The following TRPM3 variants were observed in gnomAD, a reference collection of about 807,000 sequenced individuals.
TRPM3 encodes long transient receptor potential channel 3.
In TRPM3, 77 loss-of-function variants were observed where a neutral mutation model predicts 181.2. The ratio of observed to expected loss-of-function variants is 0.42; its 90% CI spans 0.35 to 0.51. TRPM3 has a LOEUF of 0.51. TRPM3 is among the 20% of genes least tolerant of loss of function. The pLI is 0.01. For missense variants in TRPM3, 1,759 were observed against 2,196.7 expected (o/e 0.80, Z 3.98); for synonymous variants, 745 against 796.4 (o/e 0.94, Z 1.09).
intron 9 of TRPM3, among the ~76,000 whole-genome samples, chr9:70,657,167 A>G (rs1019475205): frequency 2.0e-5 from 3 of 148,938 alleles, no homozygotes; most frequent in Non-Finnish European, 1.5e-5. Context: ...AAGGGAAATT[A>G]TAATGGTCTT....
intron 1 of TRPM3, among the ~76,000 whole-genome samples, chr9:71,161,007 C>T (rs540005222): frequency 5.8e-4 from 89 of 152,258 alleles, no homozygotes; most frequent in African/African-American, 2.0e-3. Flanking sequence ...TTCCTCCTTG[C>T]TGTCGTTTCA....
chr9:71,147,424 G>C (rs12376713), intron 1 of TRPM3, among the ~76,000 whole-genome samples: 172 of 145,040 alleles, frequency 1.2e-3, no homozygotes, highest in Non-Finnish European at 1.9e-3. Context: ...GCAACACACA[G>C]ACACACACAC....
intron 1 of TRPM3, among the ~76,000 whole-genome samples, chr9:70,915,634 T>C (rs2096586845): frequency 2.0e-5 from 3 of 150,962 alleles, no homozygotes. Flanking sequence ...GCAGACTTGA[T>C]CAAGTAGAAG....
intron 1 of TRPM3, among the ~76,000 whole-genome samples, chr9:71,189,792 A>G (rs1349981048): frequency 6.6e-6 from 1 of 151,828 alleles, no homozygotes; most frequent in Non-Finnish European, 1.5e-5. Flanking sequence ...CTCTTGCTGT[A>G]TATATCTTAT....
chr9:71,285,677 C>T (rs2085222490), intron 1 of TRPM3, among the ~76,000 whole-genome samples: 1 of 152,194 alleles, frequency 6.6e-6, no homozygotes. Flanking sequence ...AGTGCTCAGA[C>T]ATCATACAAG....
chr9:71,194,098 A>T (rs2078194789), intron 1 of TRPM3, among the ~76,000 whole-genome samples: 1 of 151,960 alleles, frequency 6.6e-6, no homozygotes, highest in Non-Finnish European at 1.5e-5. Context: ...ATTTGTCACC[A>T]TAATGGGTAG....
At chr9:70,563,805 C>T (rs896927532) in intron 22 of TRPM3, among the ~76,000 whole-genome samples, 3 of 152,154 alleles carry the variant, frequency 2.0e-5, no homozygotes, top group African/African-American at 7.2e-5. Flanking sequence ...TAGAGAAAAG[C>T]AGATGAGTGT....
At chr9:71,037,843 A>G (rs1033063033) in intron 1 of TRPM3, among the ~76,000 whole-genome samples, 1 of 152,252 alleles carries the variant, frequency 6.6e-6, no homozygotes, top group Admixed American at 6.5e-5. Flanking sequence ...TATGGATGCC[A>G]CAGATAAGAG....
chr9:70,913,386 C>T (rs779303133), intron 1 of TRPM3, among the ~76,000 whole-genome samples: 3 of 152,146 alleles, frequency 2.0e-5, no homozygotes, highest in Non-Finnish European at 4.4e-5. Context: ...TTTTTCATTG[C>T]ATTGGCCAGG....
chr9:70,640,073 G>A (rs1050446088), intron 10 of TRPM3, among the ~76,000 whole-genome samples: 1 of 152,074 alleles, frequency 6.6e-6, no homozygotes, highest in East Asian at 1.9e-4. Flanking sequence ...ATAAAGCATT[G>A]GTTTCCTCAT....
chr9:71,153,895 T>G (rs2075859294), intron 1 of TRPM3, among the ~76,000 whole-genome samples: 1 of 152,162 alleles, frequency 6.6e-6, no homozygotes, highest in Admixed American at 6.5e-5. Flanking sequence ...GCAACCTTAT[T>G]GCACATAGTC....
chr9:71,428,388 G>A (rs1432527323), intron 1 of TRPM3, among the ~76,000 whole-genome samples: 1 of 151,014 alleles, frequency 6.6e-6, no homozygotes, highest in Non-Finnish European at 1.5e-5. Context: ...GAGCCACCAC[G>A]CCAGTCAGCC....
chr9:71,134,006 TGTGTGTGTGCGCGTGCGC>T (rs1484541284), intron 1 of TRPM3, among the ~76,000 whole-genome samples: 9 of 66,028 alleles, frequency 1.4e-4, no homozygotes, highest in African/African-American at 3.9e-4. Context: ...TGTGTGTGTG[TGTGTGTGTGCGCGTGCGC>T]GCGCGCGCGT....
chr9:71,203,516 G>A (rs1162578980), intron 1 of TRPM3, among the ~76,000 whole-genome samples: 1 of 152,182 alleles, frequency 6.6e-6, no homozygotes, highest in Non-Finnish European at 1.5e-5. Flanking sequence ...CCCAATAGGG[G>A]ATGGATAAAA....
chr9:71,218,844 A>G (rs1444173626), intron 1 of TRPM3, among the ~76,000 whole-genome samples: 5 of 152,200 alleles, frequency 3.3e-5, no homozygotes, highest in Non-Finnish European at 7.3e-5. Context: ...ATATGTCCAC[A>G]ATGGTTTACC....
intron 1 of TRPM3, among the ~76,000 whole-genome samples, chr9:71,071,592 G>A (rs1246690805): frequency 6.6e-6 from 1 of 152,116 alleles, no homozygotes; most frequent in East Asian, 1.9e-4. Flanking sequence ...CACATCCTTT[G>A]CTAAAGATTC....
intron 9 of TRPM3, among the ~76,000 whole-genome samples, chr9:70,655,299 C>T (rs2060162419): frequency 1.1e-5 from 1 of 94,820 alleles, no homozygotes; most frequent in African/African-American, 5.6e-5. Flanking sequence ...GAGTGAGACT[C>T]CGTCTCAAAA....
chr9:71,258,399 A>T (rs953044203), intron 1 of TRPM3, among the ~76,000 whole-genome samples: 1 of 152,174 alleles, frequency 6.6e-6, no homozygotes, highest in African/African-American at 2.4e-5. Flanking sequence ...CCTTCAAGCT[A>T]AAGTCCCCAT....
chr9:70,946,749 C>T (rs972000734), intron 1 of TRPM3, among the ~76,000 whole-genome samples: 4 of 152,106 alleles, frequency 2.6e-5, no homozygotes, highest in African/African-American at 9.7e-5. Flanking sequence ...ACCTGGTCCC[C>T]CAACCAAAGT....
Sources: allele counts gnomAD v4.1 joint callset (sites outside exome capture counted in the v4.1 genomes callset), GRCh38; gene constraint gnomAD v4.1.1; transcripts MANE v1.5; gene names NCBI Gene and HGNC (gene_info 2026-07-23, HGNC 2026-07-21).